TSHR: variants seen among roughly 807,000 people sequenced by gnomAD.
TSHR encodes the protein thyroid stimulating hormone receptor.
TSHR carries 51 observed loss-of-function variants against 64.1 expected under a neutral mutation model. The ratio of observed to expected loss-of-function variants is 0.80; its 90% confidence interval spans 0.64 to 1.01. TSHR has a LOEUF of 1.01. Among genes scored for constraint, TSHR ranks in the 50% least tolerant of loss-of-function variants. The pLI is 0.00. For synonymous variants in TSHR, 361 were observed against 361.9 expected (o/e 1.00, Z 0.03); for missense variants, 877 against 942.8 (o/e 0.93, Z 0.91).
At chr14:81,031,105 T>C (rs1414520848) in intron 1 of TSHR, among the ~76,000 whole-genome samples, 1 of 152,180 alleles carries the variant, frequency 6.6e-6, no homozygotes, top group African/African-American at 2.4e-5. Flanking sequence ...GAGTATCCCT[T>C]GATGACCTGC....
At chr14:81,028,574 C>T (rs1884191702) in intron 1 of TSHR, among the ~76,000 whole-genome samples, 2 of 152,066 alleles carry the variant, frequency 1.3e-5, no homozygotes, top group South Asian at 4.2e-4. Context: ...AGTTTTCAAC[C>T]ATCTTAGTTC....
chr14:81,011,597 T>G (rs1011568618), intron 1 of TSHR, among the ~76,000 whole-genome samples: 13 of 152,140 alleles, frequency 8.5e-5, no homozygotes, highest in African/African-American at 3.1e-4. Flanking sequence ...TTTATCTATT[T>G]TATTAGTTTT....
chr14:80,995,983 T>A (rs1888998023), intron 1 of TSHR, among the ~76,000 whole-genome samples: 1 of 152,178 alleles, frequency 6.6e-6, no homozygotes, highest in Admixed American at 6.5e-5. Context: ...CCTAAACCCC[T>A]CCATTGTCAA....
chr14:80,959,462 A>G (rs1263434102), intron 1 of TSHR: 1 of 152,208 alleles, frequency 6.6e-6, no homozygotes, highest in African/African-American at 2.4e-5. Context: ...GCCTCTGTGC[A>G]TGAGAAGATC....
chr14:81,048,440 G>T (rs923313681), intron 1 of TSHR, among the ~76,000 whole-genome samples: 4 of 152,062 alleles, frequency 2.6e-5, no homozygotes, highest in Admixed American at 2.6e-4. Flanking sequence ...ACATCCCAAA[G>T]ATGGGCATAC....
chr14:81,082,841 C>T (rs753695300), intron 3 of TSHR, among the ~76,000 whole-genome samples: 6 of 152,100 alleles, frequency 3.9e-5, no homozygotes, highest in African/African-American at 7.2e-5. Flanking sequence ...AATGCAAAGT[C>T]GGCTTTTTGA....
At position 80,972,267 on chromosome 14, in the gene TSHR, TA is replaced by T. The variant is rs200507515; in HGVS notation, c.170+16424del. Reference sequence around the variant, plus strand: ...TTCGTTTTTGTTTTTTGTACTACCTTAAAAAAACCTATCATTGTTCTGTGGG... The same window carrying T: ...TTCGTTTTTGTTTTTTGTACTACCTTAAAAAACCTATCATTGTTCTGTGGG... On this transcript the variant is annotated intron_variant, in intron 1 of 9. Coordinates refer to ENST00000298171, the MANE Select transcript of TSHR (RefSeq NM_000369.5). Among the ~76,000 whole-genome samples, 22 of 152,320 alleles carry T rather than the reference TA, an allele frequency of 1.4e-4. No individual in the cohort carries two copies. In the East Asian group the frequency reaches 2.9e-3, roughly 20 times the overall value.
chr14:81,133,765 C>A (rs930620047), intron 8 of TSHR, among the ~76,000 whole-genome samples: 1 of 152,052 alleles, frequency 6.6e-6, no homozygotes, highest in Non-Finnish European at 1.5e-5. Flanking sequence ...AAGATCAAAA[C>A]CAAGATACAC....
At chr14:80,973,328 C>A (rs12589960) in intron 1 of TSHR, among the ~76,000 whole-genome samples, 24,253 of 144,092 alleles carry the variant, frequency 0.17, 2,175 homozygotes, top group East Asian at 0.4. Context: ...TGGCGTGAAC[C>A]CCGGGGGGCG....
chr14:81,059,293 A>T (rs1294154844), intron 1 of TSHR, among the ~76,000 whole-genome samples: 1 of 152,208 alleles, frequency 6.6e-6, no homozygotes, highest in African/African-American at 2.4e-5. Context: ...AAGCTCAATC[A>T]AACTAATCAC....
intron 2 of TSHR, among the ~76,000 whole-genome samples, chr14:81,064,736 C>G (rs1201552058): frequency 6.6e-6 from 1 of 151,992 alleles, no homozygotes; most frequent in Admixed American, 6.6e-5. Context: ...TATGGGGGCA[C>G]TCAGGGGAGA....
chr14:81,083,866 C>G (rs1888090026), intron 3 of TSHR, among the ~76,000 whole-genome samples: 1 of 152,152 alleles, frequency 6.6e-6, no homozygotes, highest in Non-Finnish European at 1.5e-5. Flanking sequence ...CAAACAGGTT[C>G]TTTCTCACAT....
intron 8 of TSHR, among the ~76,000 whole-genome samples, chr14:81,118,709 C>T (rs537944144): frequency 1.0e-3 from 157 of 152,190 alleles, no homozygotes; most frequent in African/African-American, 3.0e-3. Context: ...AAAAAGAGCC[C>T]GCATCGCCAA....
intron 1 of TSHR, among the ~76,000 whole-genome samples, chr14:81,006,036 T>G (rs1889586321): frequency 6.6e-6 from 1 of 152,210 alleles, no homozygotes; most frequent in Non-Finnish European, 1.5e-5. Flanking sequence ...AAGGCATAAC[T>G]GGGCTTCACA....
intron 1 of TSHR, among the ~76,000 whole-genome samples, chr14:80,980,918 G>A (rs1265738458): frequency 2.0e-5 from 3 of 152,058 alleles, no homozygotes; most frequent in African/African-American, 7.2e-5. Context: ...TATTTCGGTT[G>A]TCTGTTCTGT....
intron 1 of TSHR, among the ~76,000 whole-genome samples, chr14:80,974,130 G>T (rs754848588): frequency 6.6e-6 from 1 of 152,150 alleles, no homozygotes; most frequent in South Asian, 2.1e-4. Context: ...TTACTAATGC[G>T]GTGGTAGGTC....
intron 8 of TSHR, among the ~76,000 whole-genome samples, chr14:81,109,222 A>G (rs999352280): frequency 1.1e-4 from 16 of 152,172 alleles, no homozygotes; most frequent in African/African-American, 3.9e-4. Flanking sequence ...ATCCTGGCTA[A>G]CATGGTGAAA....
intron 7 of TSHR, among the ~76,000 whole-genome samples, chr14:81,100,116 C>T (rs1850907427): frequency 2.0e-5 from 3 of 152,144 alleles, no homozygotes. Flanking sequence ...AACTATATTT[C>T]TTCAACTCTC....
intron 8 of TSHR, among the ~76,000 whole-genome samples, chr14:81,113,715 G>A (rs548318075): frequency 3.0e-4 from 46 of 152,238 alleles, no homozygotes; most frequent in African/African-American, 8.4e-4. Context: ...AGAGAGAGCT[G>A]CACGCTAAGT....
Sources: gnomAD v4.1 joint callset for allele counts (sites outside exome capture counted in the v4.1 genomes callset) on GRCh38, gnomAD v4.1.1 for gene constraint, MANE v1.5 for transcripts, NCBI Gene and HGNC (gene_info 2026-07-23, HGNC 2026-07-21) for gene names.